Variants in ABCB5 observed in about 807,000 individuals in gnomAD.
ABCB5 encodes ATP-binding cassette sub-family B member 5.
ABCB5 carries 155 observed loss-of-function variants against 144.2 expected under a neutral mutation model. The observed-to-expected ratio is 1.08, with a 90% CI of 0.94 to 1.23. The LOEUF (loss-of-function observed/expected upper bound fraction) is 1.23, where lower values mean the gene tolerates loss of function less well. ABCB5 is among the 50% of genes most tolerant of loss of function. The pLI, the probability that ABCB5 is intolerant of heterozygous loss-of-function variation, is 0.00. For synonymous variants in ABCB5, 610 were observed against 528.6 expected, an observed-to-expected ratio of 1.15 and a Z score of -2.11; for missense variants, 1,830 against 1,520.8, an observed-to-expected ratio of 1.20 and a Z score of -3.38.
intron 13 of ABCB5, among the ~76,000 whole-genome samples, chr7:20,657,025 A>C (rs972816818): frequency 2.0e-5 from 3 of 149,764 alleles, no homozygotes; most frequent in South Asian, 2.1e-4. Flanking sequence ...AGGCTCAGGC[A>C]GTCCTTCCAC....
At chr7:20,641,366 C>T (rs2128022330) in intron 5 of ABCB5, among the ~76,000 whole-genome samples, 1 of 152,074 alleles carries the variant, frequency 6.6e-6, no homozygotes, top group South Asian at 2.1e-4. Context: ...CACACACACA[C>T]ACACACACAC....
intron 1 of ABCB5, among the ~76,000 whole-genome samples, chr7:20,617,285 AT>A (rs1448824272): frequency 1.3e-5 from 2 of 152,032 alleles, no homozygotes; most frequent in South Asian, 4.1e-4. Flanking sequence ...TAAAATGTAG[AT>A]TTTTTTCCAG....
intron 20 of ABCB5, among the ~76,000 whole-genome samples, chr7:20,709,328 A>T (rs1562572274): frequency 6.7e-6 from 1 of 150,006 alleles, no homozygotes; most frequent in Non-Finnish European, 1.5e-5. Context: ...CTGCTAAGAC[A>T]AGATATTTTG....
chr7:20,627,681 T>C (rs1181758947), intron 3 of ABCB5, among the ~76,000 whole-genome samples: 1 of 116,440 alleles, frequency 8.6e-6, no homozygotes, highest in Non-Finnish European at 1.7e-5. Flanking sequence ...TTGACCCCCT[T>C]AAATATCCTA....
chr7:20,668,636 A>G (rs1422814989), intron 14 of ABCB5, among the ~76,000 whole-genome samples: 1 of 132,984 alleles, frequency 7.5e-6, no homozygotes, highest in East Asian at 2.4e-4. Context: ...CCCGTCCGGG[A>G]GGTGAGGGAC....
At chr7:20,653,780 A>T (rs1415988556) in intron 13 of ABCB5, among the ~76,000 whole-genome samples, 1 of 152,206 alleles carries the variant, frequency 6.6e-6, no homozygotes, top group East Asian at 1.9e-4. Context: ...TGAGGATAAG[A>T]CTACCTACCC....
intron 5 of ABCB5, among the ~76,000 whole-genome samples, chr7:20,642,692 T>C (rs1040160643): frequency 6.6e-6 from 1 of 152,216 alleles, no homozygotes; most frequent in African/African-American, 2.4e-5. Context: ...ATTTGGATTG[T>C]TTTCAGCTTT....
chr7:20,632,080 A>C lies in ABCB5; in HGVS notation c.281A>C (p.Gln94Pro). ...TNTTNYQNCT[Q>P]SQEKLNEDMT... ...ACAGCAAATTATCAGAACTGTACTC[A>C]GTCTCAAGAGAAGCTGAATGAAGAT... Residue 94 changes from glutamine to proline, a missense_variant, in exon 5 of 28, where the codon CAG becomes CCG. Physicochemically the swap from Gln to Pro is moderately conservative, Grantham distance 76. Coordinates refer to ENST00000404938, the MANE Select transcript of ABCB5 (RefSeq NM_001163941.2). The C allele has an allele frequency of 6.6e-7, 1 of 1,525,642 alleles. No homozygotes were observed. Among genetic ancestry groups the C allele is most frequent in the South Asian group, 1.3e-5 (1 of 79,754 alleles). 94.5% of individuals were successfully genotyped at this position (1,525,642 alleles called of 1,614,324 possible). A position where few individuals can be genotyped will look rare whatever the true frequency, so the allele number is the denominator to read the frequency against.
chr7:20,628,780 G>A lies in ABCB5; in HGVS notation c.201G>A (p.Leu67=), dbSNP rs114276553. Reference sequence around the variant, plus strand: ...GAGCCTGCCTTCCTTTAATGCCACTGGTTTTAGGAGAAATGAGTGATAACC... The same window carrying A: ...GAGCCTGCCTTCCTTTAATGCCACTAGTTTTAGGAGAAATGAGTGATAACC... ...VNGACLPLMP[L]VLGEMSDNLI... The change falls in exon 4 of 28, where the codon CTG becomes CTA. Residue 67 remains leucine (L), a synonymous_variant. Transcript: ENST00000404938. The A allele has an allele frequency of 1.1e-3, 1,838 of 1,613,608 alleles. 25 individuals are homozygous for A. In the African/African-American group the frequency reaches 0.021, roughly 18 times the overall value.
rs887588407 is a variant in ABCB5 at position 20,749,306 on chromosome 7, C to A, written c.3429+3868C>A. ...ACAGTGGCAGGATCTCAGCTCACTG[C>A]AGCCTTGACCTCCTGGGCTCAAGTG... On this transcript the variant is annotated intron_variant, in intron 26 of 27. Transcript: ENST00000404938. 2.0e-5 allele frequency among the ~76,000 whole-genome samples: 3 copies of A among 149,526 alleles called. No homozygotes were observed. In the Admixed American group the frequency reaches 2.0e-4, roughly 10 times the overall value.
rs532601822 is a variant in ABCB5, at chr7:20,753,160, A to G, written c.3430-200A>G. Among the ~76,000 whole-genome samples the G allele has an allele frequency of 8.5e-5, 13 of 152,326 alleles. No individual in the cohort carries two copies. The South Asian group carries it at 2.7e-3, about 32-fold the overall frequency. The stretch of plus-strand genomic sequence containing the variant: ...GAGGTCTGCTGTCTGATCAGATTGG[A>G]TATGTAAATGAGATGGTAGTGTTTA... On this transcript the variant is annotated intron_variant, in intron 26 of 27. Transcript: ENST00000404938.
At chr7:20,659,122 C>T (rs1784912058) in intron 14 of ABCB5, 14 of 1,613,992 alleles carry the variant, frequency 8.7e-6, no homozygotes, top group Non-Finnish European at 1.2e-5. Context: ...AATCGCTGAC[C>T]TTGAACCAGC....
intron 13 of ABCB5, among the ~76,000 whole-genome samples, chr7:20,657,688 G>A (rs1784854853): frequency 6.6e-6 from 1 of 152,126 alleles, no homozygotes; most frequent in Non-Finnish European, 1.5e-5. Context: ...ATCTTTATTG[G>A]TATGGTGGTA....
intron 1 of ABCB5, among the ~76,000 whole-genome samples, chr7:20,622,114 A>C (rs1583373008): frequency 6.6e-6 from 1 of 152,144 alleles, no homozygotes; most frequent in Non-Finnish European, 1.5e-5. Context: ...TTATTTATTG[A>C]GAATAGAACG....
chr7:20,663,876 C>G lies in ABCB5; in HGVS notation c.1707+5200C>G, dbSNP rs193216589. ...GATTACAGGCACACACCACCACACC[C>G]GGCTAATTTTTATATTTTTGGTAGA... is the stretch of plus-strand genomic sequence containing the variant. On this transcript the variant is annotated intron_variant, in intron 14 of 27. Coordinates refer to ENST00000404938, the MANE Select transcript of ABCB5 (RefSeq NM_001163941.2). Among the ~76,000 whole-genome samples the G allele has an allele frequency of 2.8e-3, 426 of 152,106 alleles. 2 individuals carry two copies. Among genetic ancestry groups the G allele is most frequent in the African/African-American group, 9.9e-3 (409 of 41,476 alleles).
At chr7:20,749,395 A>ATTTTTTTTTTTTTTT (rs34687757) in intron 26 of ABCB5, among the ~76,000 whole-genome samples, 1 of 81,942 alleles carries the variant, frequency 1.2e-5, no homozygotes. Flanking sequence ...TGCCTGCCTA[A>ATTTTTTTTTTTTTTT]TTTTTTTTTT....
chr7:20,681,032 T>TTCTCTCTCTC (rs1359179241), intron 14 of ABCB5, among the ~76,000 whole-genome samples: 1 of 28,388 alleles, frequency 3.5e-5, no homozygotes, highest in South Asian at 1.7e-3. Flanking sequence ...CTTTCTTTCT[T>TTCTCTCTCTC]TCTCTTTCTT....
Position 20,742,500 on chromosome 7 carries a change from C to CT in ABCB5, c.3025-376dup, listed in dbSNP as rs1562589287. On this transcript the variant is annotated intron_variant, in intron 24 of 27. Coordinates refer to ENST00000404938, the MANE Select transcript of ABCB5 (RefSeq NM_001163941.2). The stretch of plus-strand genomic sequence containing the variant: ...TACATATAGTTTATGAGAACCCCAG[C>CT]TCTTCTGAATTAAGCAATAAAGGTT... 9.2e-5 allele frequency among the ~76,000 whole-genome samples: 14 copies of CT among 152,214 alleles called. No individual in the cohort carries two copies. The East Asian group carries it at 2.1e-3, about 23-fold the overall frequency.
rs1359161729 is a variant in ABCB5, at chr7:20,636,347, A to G, written c.314+4234A>G. Among the ~76,000 whole-genome samples, 4 of 152,150 alleles carry G rather than the reference A, an allele frequency of 2.6e-5. 1 individual carries two copies. Among genetic ancestry groups the G allele is most frequent in the African/African-American group, 9.7e-5 (4 of 41,442 alleles). ...AATAGGAGCATCCATTTAAAAGTAGACAATAAAAGGGACAATAAGATGAAA... is the reference window on the plus strand; with the variant it reads ...AATAGGAGCATCCATTTAAAAGTAGGCAATAAAAGGGACAATAAGATGAAA... On this transcript the variant is annotated intron_variant, in intron 5 of 27. Transcript: ENST00000404938.
Sources: gnomAD v4.1 joint callset for allele counts (sites outside exome capture counted in the v4.1 genomes callset) on GRCh38, gnomAD v4.1.1 for gene constraint, MANE v1.5 for transcripts, NCBI Gene and HGNC (gene_info 2026-07-23, HGNC 2026-07-21) for gene names.